Variants in PLB1 observed in about 807,000 individuals in gnomAD.
PLB1 encodes the protein phospholipase B1, also known as phospholipase B1, membrane-associated.
In PLB1, 242 loss-of-function variants were observed where a neutral mutation model predicts 227.4. That is an observed-to-expected ratio of 1.06 (90% CI 0.96 to 1.18). The LOEUF is 1.18. PLB1 is among the 50% of genes most tolerant of loss of function. The pLI is 0.00. For synonymous variants in PLB1, 757 were observed against 682.2 expected, an observed-to-expected ratio of 1.11 and a Z score of -1.71; for missense variants, 1,858 against 1,816.3, an observed-to-expected ratio of 1.02 and a Z score of -0.42.
At chr2:28,520,175 G>A (rs1424855837) in intron 4 of PLB1, among the ~76,000 whole-genome samples, 2 of 151,472 alleles carry the variant, frequency 1.3e-5, no homozygotes, top group African/African-American at 2.4e-5. Context: ...TAATCTGCCC[G>A]CCTTGGCCCC....
chr2:28,565,514 C>A (rs1376953844), intron 19 of PLB1, among the ~76,000 whole-genome samples, 161 bp downstream of exon 19: 1 of 152,152 alleles, frequency 6.6e-6, no homozygotes, highest in East Asian at 1.9e-4. Flanking sequence ...ATTCACCAGC[C>A]TCCTCAAACC....
At chr2:28,516,381 G>A (rs1668853288) in intron 1 of PLB1, among the ~76,000 whole-genome samples, 1 of 152,130 alleles carries the variant, frequency 6.6e-6, no homozygotes, top group Non-Finnish European at 1.5e-5. Flanking sequence ...CTTCTCCTAA[G>A]ATCACATTAC....
chr2:28,509,768 G>A (rs1033045576), intron 1 of PLB1, among the ~76,000 whole-genome samples: 1 of 152,170 alleles, frequency 6.6e-6, no homozygotes, highest in South Asian at 2.1e-4. Flanking sequence ...TTTCAAAAGG[G>A]GAGAGTTCCC....
intron 16 of PLB1, among the ~76,000 whole-genome samples, chr2:28,551,856 T>C (rs749983337): frequency 1.1e-4 from 17 of 152,204 alleles, no homozygotes; most frequent in Non-Finnish European, 1.9e-4. Flanking sequence ...ATTGGATAAA[T>C]GCAGTGATAC....
chr2:28,531,616 T>TA (rs1415470847), intron 8 of PLB1, among the ~76,000 whole-genome samples: 1 of 152,224 alleles, frequency 6.6e-6, no homozygotes, highest in Non-Finnish European at 1.5e-5. Context: ...CAGCCAGAGA[T>TA]ACTTTTTATA....
At chr2:28,565,189 C>A (rs1676671563) in intron 18 of PLB1, 91 bp from the exon 19 acceptor site, 2 of 1,127,266 alleles carry the variant, frequency 1.8e-6, no homozygotes, top group Admixed American at 2.0e-5. Context: ...GTGGTCCTGG[C>A]CAGCATAAGA....
At position 28,605,900 on chromosome 2, in the gene PLB1, A is replaced by C. The variant is rs572797713; in HGVS notation, c.3009A>C (p.Pro1003=). ...TCTTTGCCCCAGACTGCATCCACCC[A>C]AATCAGAAATTCCACTCCCAGCTGG... The part of the protein sequence containing the change: ...TSFFAPDCIH[P]NQKFHSQLAR... The change falls in exon 42 of 58, where the codon CCA becomes CCC. Residue 1003 remains proline, a synonymous_variant. Transcript: ENST00000327757. The C allele has an allele frequency of 6.2e-7, 1 of 1,613,966 alleles. No homozygotes were observed. The highest frequency in any genetic ancestry group is 1.1e-5 in the South Asian group (1 of 91,076).
chr2:28,576,798 C>G (rs1001227311), intron 21 of PLB1, among the ~76,000 whole-genome samples: 4 of 152,218 alleles, frequency 2.6e-5, no homozygotes, highest in African/African-American at 9.6e-5. Context: ...AGCAGCTGCT[C>G]TGATAACTTC....
chr2:28,614,971 A>G (rs1685987206), intron 44 of PLB1, among the ~76,000 whole-genome samples: 1 of 152,144 alleles, frequency 6.6e-6, no homozygotes, highest in African/African-American at 2.4e-5. Flanking sequence ...ATGGCTAGGC[A>G]TGGTCATTTC....
intron 53 of PLB1, 127 bp downstream of exon 53, chr2:28,629,312 G>T (rs1408182414): frequency 2.8e-6 from 2 of 716,248 alleles, no homozygotes; most frequent in African/African-American, 1.8e-5. Context: ...TGGCTCAGGG[G>T]CTTGGACAAC....
intron 41 of PLB1, among the ~76,000 whole-genome samples, chr2:28,605,291 G>A (rs968227521): frequency 3.3e-5 from 5 of 152,182 alleles, no homozygotes; most frequent in Non-Finnish European, 7.3e-5. Flanking sequence ...TGGACCAGGT[G>A]AGGACTGAGG....
chr2:28,535,697 G>T (rs920029575), intron 9 of PLB1, among the ~76,000 whole-genome samples: 1 of 152,200 alleles, frequency 6.6e-6, no homozygotes, highest in Non-Finnish European at 1.5e-5. Context: ...AAGGCAGGTG[G>T]ATCACTTGAG....
chr2:28,630,247 T>G (rs920617312), intron 53 of PLB1, among the ~76,000 whole-genome samples: 2 of 152,166 alleles, frequency 1.3e-5, no homozygotes, highest in Non-Finnish European at 2.9e-5. Context: ...TACCCAGTCC[T>G]GCTCTGGAGA....
At chr2:28,496,317 G>A in intron 1 of PLB1, 148 bp downstream of exon 1, 1 of 837,100 alleles carries the variant, frequency 1.2e-6, no homozygotes, top group Non-Finnish European at 1.8e-6. Flanking sequence ...AGTCTGGTTT[G>A]CCTCCTGCGG....
chr2:28,559,609 A>G (rs558255332), intron 17 of PLB1, among the ~76,000 whole-genome samples: 2 of 152,078 alleles, frequency 1.3e-5, no homozygotes, highest in African/African-American at 2.4e-5. Context: ...TTTTCCACTC[A>G]ATGTTAATCC....
chr2:28,604,098 A>C, intron 40 of PLB1, 51 bp downstream of exon 40: 1 of 1,518,782 alleles, frequency 6.6e-7, no homozygotes, highest in Non-Finnish European at 9.1e-7. Context: ...CGTTCACTCT[A>C]ACACACAGCC....
intron 32 of PLB1, 25 bp from the exon 33 acceptor site, chr2:28,593,656 T>C: frequency 6.2e-7 from 1 of 1,610,144 alleles, no homozygotes; most frequent in Non-Finnish European, 8.5e-7. Context: ...CTAATTTTCC[T>C]ATGGACTCTG....
rs1418514428 is a variant in PLB1, at chr2:28,565,206, AC to A, written c.1207-72del. On this transcript the variant is annotated intron_variant, in intron 18 of 57. Transcript: ENST00000327757. ...GGTCCTGGCCAGCATAAGAACATAG[AC>A]CTTTTGGCAGGTAGGCAGAGGTGGG... The A allele has an allele frequency of 3.0e-6, 4 of 1,337,528 alleles. No individual in the cohort carries two copies. In the African/African-American group the frequency reaches 4.3e-5, roughly 14 times the overall value. The allele number at this position is 1,337,528 out of a possible 1,614,324, so 82.9% of individuals were successfully genotyped here. A position where few individuals can be genotyped will look rare whatever the true frequency, so the allele number is the denominator to read the frequency against.
At chr2:28,633,402 A>G (rs561818029) in intron 56 of PLB1, 1 of 243,924 alleles carries the variant, frequency 4.1e-6, no homozygotes, top group African/African-American at 2.2e-5. Context: ...CTGTATCAAC[A>G]TCTATAAAAC....
Sources: gnomAD v4.1 joint callset for allele counts (sites outside exome capture counted in the v4.1 genomes callset) on GRCh38, gnomAD v4.1.1 for gene constraint, MANE v1.5 for transcripts, NCBI Gene and HGNC (gene_info 2026-07-23, HGNC 2026-07-21) for gene names.